The following ZMYM2 variants were observed in gnomAD, a reference collection of about 807,000 sequenced individuals.
ZMYM2 encodes the protein zinc finger MYM-type containing 2.
ZMYM2 carries 56 observed loss-of-function variants against 162.8 expected under a neutral mutation model. That is an observed-to-expected ratio of 0.34 (90% confidence interval 0.28 to 0.43). ZMYM2 has a LOEUF of 0.43. Ranked by LOEUF, ZMYM2 falls within the 20% of genes least tolerant of loss-of-function variation. The pLI is 1.00. For missense variants in ZMYM2, 1,275 were observed against 1,621.8 expected, an observed-to-expected ratio of 0.79 and a Z score of 3.67; for synonymous variants, 510 against 541.6, an observed-to-expected ratio of 0.94 and a Z score of 0.81.
At chr13:19,885,977 A>ATGTG in the ZMYM2 span, among the ~76,000 whole-genome samples, 5 of 136,288 alleles carry the variant, frequency 3.7e-5, no homozygotes, top group East Asian at 2.1e-4. Flanking sequence ...ATACACATAT[A>ATGTG]TATGTATATA....
chr13:19,959,886 G>A (rs927226148), intron 1 of ZMYM2, 72 bp from the exon 2 acceptor site: 2 of 152,210 alleles, frequency 1.3e-5, no homozygotes, highest in African/African-American at 4.8e-5. Flanking sequence ...GCCTCCTTCT[G>A]GCAGAAAGGG....
At chr13:19,956,448 C>A (rs1332143782), upstream of ZMYM2, among the ~76,000 whole-genome samples, 1 of 152,178 alleles carries the variant, frequency 6.6e-6, no homozygotes, top group Admixed American at 6.5e-5. Flanking sequence ...AACATTCAAA[C>A]ATTTATTTTT....
the ZMYM2 span, among the ~76,000 whole-genome samples, chr13:19,895,671 C>T: frequency 6.6e-6 from 1 of 151,774 alleles, no homozygotes; most frequent in African/African-American, 2.4e-5. Context: ...GCAGAGCCTA[C>T]GTGATGCAAT....
intron 6 of ZMYM2, among the ~76,000 whole-genome samples, chr13:20,012,835 T>C (rs546765779): frequency 2.0e-4 from 30 of 152,352 alleles, no homozygotes; most frequent in African/African-American, 5.5e-4. Flanking sequence ...ATCTTATGTA[T>C]GTGCTGCACT....
chr13:20,010,079 T>C (rs745929014), intron 6 of ZMYM2, among the ~76,000 whole-genome samples: 1 of 152,248 alleles, frequency 6.6e-6, no homozygotes, highest in Non-Finnish European at 1.5e-5. Flanking sequence ...TTATTTTCCA[T>C]GTTTTAAGCT....
At chr13:20,014,959 T>A (rs1426373114) in intron 6 of ZMYM2, among the ~76,000 whole-genome samples, 1 of 151,986 alleles carries the variant, frequency 6.6e-6, no homozygotes, top group African/African-American at 2.4e-5. Context: ...GAGATGGGGT[T>A]TCACCGTGTT....
At chr13:19,955,725 G>A (rs375939972), upstream of ZMYM2, among the ~76,000 whole-genome samples, 132 of 152,168 alleles carry the variant, frequency 8.7e-4, 4 homozygotes, top group South Asian at 0.022. Context: ...GGGTTCAAGC[G>A]ATTCTCCTGC....
chr13:20,078,807 G>T (rs1957699867), intron 21 of ZMYM2, among the ~76,000 whole-genome samples: 1 of 151,948 alleles, frequency 6.6e-6, no homozygotes, highest in South Asian at 2.1e-4. Flanking sequence ...GATATATTGG[G>T]TTAAGTAAAA....
rs1443866502 is a variant in ZMYM2 at position 20,005,185 on chromosome 13, T to G, written c.1245T>G (p.Pro415=). 3.8e-6 allele frequency: 6 copies of G among 1,589,906 alleles called. No individual in the cohort carries two copies. Among genetic ancestry groups the G allele is most frequent in the African/African-American group, 1.4e-5 (1 of 73,224 alleles). ...CLSLYEDKQN[P]TKGALNKSRC... is the part of the protein sequence containing the mutation. ...CTCTCTATGAAGACAAACAGAATCC[T>G]ACTAAAGGAGCTCTAAATAAATCAA... Residue 415 remains proline, a synonymous_variant, in exon 5 of 25, where the codon CCT becomes CCG. Coordinates refer to ENST00000610343, the MANE Select transcript of ZMYM2 (RefSeq NM_197968.4).
chr13:20,027,343 C>G (rs1475099793), intron 9 of ZMYM2, 25 bp downstream of exon 9: 2 of 1,483,418 alleles, frequency 1.3e-6, no homozygotes, highest in Non-Finnish European at 1.8e-6. Flanking sequence ...TTGCATAACC[C>G]ATGCCCCCAA....
At chr13:20,053,449 G>A (rs1412285767) in intron 14 of ZMYM2, among the ~76,000 whole-genome samples, 4 of 152,100 alleles carry the variant, frequency 2.6e-5, no homozygotes, top group African/African-American at 7.2e-5. Context: ...TCAGAAGTTC[G>A]AGACCAGCCT....
At chr13:19,945,805 C>T in the ZMYM2 span, among the ~76,000 whole-genome samples, 3 of 151,742 alleles carry the variant, frequency 2.0e-5, no homozygotes, top group Admixed American at 6.6e-5. Context: ...AAAAATTAGC[C>T]GTGCATGGTT....
chr13:20,030,943 G>T (rs1042108688), intron 9 of ZMYM2, among the ~76,000 whole-genome samples: 2 of 152,142 alleles, frequency 1.3e-5, no homozygotes, highest in African/African-American at 4.8e-5. Context: ...ATAGCAATAA[G>T]AACTAGGTTT....
intron 2 of ZMYM2, among the ~76,000 whole-genome samples, chr13:19,980,906 A>G (rs984129846): frequency 2.0e-5 from 3 of 151,980 alleles, no homozygotes; most frequent in African/African-American, 4.8e-5. Flanking sequence ...TGATATCTTT[A>G]TGTTATTGAA....
the ZMYM2 span, among the ~76,000 whole-genome samples, chr13:19,938,740 A>G: frequency 4.0e-5 from 6 of 151,258 alleles, no homozygotes; most frequent in East Asian, 1.2e-3. Flanking sequence ...TTTTTTTCTG[A>G]AAACAGGAGA....
At chr13:19,983,713 C>T (rs769688909) in intron 2 of ZMYM2, among the ~76,000 whole-genome samples, 4 of 152,086 alleles carry the variant, frequency 2.6e-5, no homozygotes, top group African/African-American at 7.2e-5. Context: ...ACTGCAGCCT[C>T]GACCTCCTGG....
intron 21 of ZMYM2, among the ~76,000 whole-genome samples, chr13:20,075,461 AC>A (rs1366589174): frequency 1.3e-5 from 2 of 152,134 alleles, no homozygotes; most frequent in Non-Finnish European, 2.9e-5. Context: ...TCTCAAAGTA[AC>A]TGACTTTCCT....
chr13:19,871,858 G>C, the ZMYM2 span, among the ~76,000 whole-genome samples: 1 of 152,082 alleles, frequency 6.6e-6, no homozygotes, highest in African/African-American at 2.4e-5. Context: ...TTCCCTGACT[G>C]CAATGCACAA....
intron 3 of ZMYM2, among the ~76,000 whole-genome samples, chr13:20,002,469 G>A (rs1950467418): frequency 6.6e-6 from 1 of 152,178 alleles, no homozygotes; most frequent in Admixed American, 6.5e-5. Flanking sequence ...GAGCTAGAAT[G>A]TGAACCATTC....
Sources: gnomAD v4.1 joint callset for allele counts (sites outside exome capture counted in the v4.1 genomes callset) on GRCh38, gnomAD v4.1.1 for gene constraint, MANE v1.5 for transcripts, NCBI Gene and HGNC (gene_info 2026-07-23, HGNC 2026-07-21) for gene names.